PTPRN2: variants seen among roughly 807,000 people sequenced by gnomAD.
The protein encoded by PTPRN2 is receptor-type tyrosine-protein phosphatase N2.
Under a neutral mutation model 118.8 loss-of-function variants are expected in PTPRN2, and 74 were observed. The ratio of observed to expected loss-of-function variants is 0.62; its 90% CI spans 0.52 to 0.76. PTPRN2 has a LOEUF of 0.76. Ranked by LOEUF, PTPRN2 falls within the 30% of genes least tolerant of loss-of-function variation. The pLI is 0.00. For synonymous variants in PTPRN2, 641 were observed against 608.0 expected (o/e 1.05, Z -0.80); for missense variants, 1,481 against 1,394.4 (o/e 1.06, Z -0.99).
chr7:158,207,854 C>A (rs543687938), intron 3 of PTPRN2, among the ~76,000 whole-genome samples: 1 of 152,186 alleles, frequency 6.6e-6, no homozygotes, highest in African/African-American at 2.4e-5. Context: ...ACAAAGAATT[C>A]AAAATAGTTG....
At chr7:157,689,091 G>T (rs1022692467) in intron 12 of PTPRN2, among the ~76,000 whole-genome samples, 5 of 152,196 alleles carry the variant, frequency 3.3e-5, no homozygotes, top group Non-Finnish European at 1.5e-5. Context: ...CCCGGGCGGC[G>T]CAGCCGCCAC....
rs1256396441 is a variant in PTPRN2 at position 157,953,395 on chromosome 7, C to T, written c.1724-54658G>A. 6.6e-6 allele frequency among the ~76,000 whole-genome samples: 1 copy of T among 152,062 alleles called. No homozygotes were observed. Among genetic ancestry groups the T allele is most frequent in the Non-Finnish European group, 1.5e-5 (1 of 67,990 alleles). On this transcript the variant is annotated intron_variant, in intron 11 of 22. Transcript: ENST00000389418. This position sits in a 1 kb window ranked among gnomAD's most constrained non-coding sequence, Gnocchi z 4.6. ...GGAACTCAGGAGCAGGGGCTGGCGG[C>T]ACTCCCCGGGCACAGAGGGAACGGC...
At chr7:158,122,397 T>C (rs1008487663) in intron 9 of PTPRN2, among the ~76,000 whole-genome samples, 1 of 152,122 alleles carries the variant, frequency 6.6e-6, no homozygotes, top group Non-Finnish European at 1.5e-5. Flanking sequence ...AGTGACAGTG[T>C]CCCTCTTCCA....
At chr7:157,570,795 C>G (rs77415752) in intron 20 of PTPRN2, among the ~76,000 whole-genome samples, 1 of 152,162 alleles carries the variant, frequency 6.6e-6, no homozygotes, top group Admixed American at 6.5e-5. Flanking sequence ...TGAGCCTCTG[C>G]TGGACGTCCT....
At chr7:158,421,478 T>C (rs1167103056) in intron 2 of PTPRN2, among the ~76,000 whole-genome samples, 1 of 152,242 alleles carries the variant, frequency 6.6e-6, no homozygotes, top group East Asian at 1.9e-4. Flanking sequence ...TCTTTGTAGT[T>C]TCTCCAAGTG....
chr7:157,906,999 C>T (rs1161002517), intron 11 of PTPRN2, among the ~76,000 whole-genome samples: 1 of 152,214 alleles, frequency 6.6e-6, no homozygotes, highest in Non-Finnish European at 1.5e-5. Flanking sequence ...ATCCTGAGAT[C>T]CCGAGATCCT....
chr7:157,982,773 C>T (rs201490694), intron 11 of PTPRN2, among the ~76,000 whole-genome samples: 12 of 100,468 alleles, frequency 1.2e-4, no homozygotes, highest in Admixed American at 1.9e-4. Flanking sequence ...GGGTCCCCCC[C>T]AAACCCCGAG....
intron 11 of PTPRN2, among the ~76,000 whole-genome samples, chr7:157,942,203 C>T (rs370253960): frequency 2.5e-5 from 1 of 39,304 alleles, no homozygotes; most frequent in Non-Finnish European, 4.1e-5. Context: ...ACACAGGGGT[C>T]CTCGGCCCAC....
At chr7:158,317,073 G>A in intron 2 of PTPRN2, 141 bp from the exon 3 acceptor site, 1 of 585,256 alleles carries the variant, frequency 1.7e-6, no homozygotes. Context: ...AGGGCTGTTA[G>A]GACCCGGGAG....
At chr7:157,559,743 A>C (rs1483827388) in intron 21 of PTPRN2, among the ~76,000 whole-genome samples, 1 of 152,118 alleles carries the variant, frequency 6.6e-6, no homozygotes, top group Non-Finnish European at 1.5e-5. Flanking sequence ...TCCAAACAGG[A>C]GTTTGAACAG....
At chr7:157,976,503 T>A (rs1481950057) in intron 11 of PTPRN2, among the ~76,000 whole-genome samples, 1 of 148,660 alleles carries the variant, frequency 6.7e-6, no homozygotes, top group African/African-American at 2.4e-5. Flanking sequence ...GTTCCCAGGT[T>A]CTCGCCCACT....
chr7:158,306,491 T>G (rs536672005), intron 3 of PTPRN2, among the ~76,000 whole-genome samples: 130 of 150,928 alleles, frequency 8.6e-4, no homozygotes, highest in African/African-American at 3.1e-3. Context: ...CAGCAGAGAC[T>G]GAGGCTTGTT....
chr7:157,773,901 C>G (rs893172140), intron 12 of PTPRN2, among the ~76,000 whole-genome samples: 1 of 152,196 alleles, frequency 6.6e-6, no homozygotes, highest in Non-Finnish European at 1.5e-5. Flanking sequence ...ACAGCACATC[C>G]TAAGTGTCAT....
chr7:158,146,053 T>G (rs181791366), intron 6 of PTPRN2, among the ~76,000 whole-genome samples: 3 of 118,480 alleles, frequency 2.5e-5, no homozygotes, highest in African/African-American at 8.4e-5. Context: ...ATTTTAGTTT[T>G]CCACTCTTTT....
At chr7:157,720,054 AGAGG>A (rs988077573) in intron 12 of PTPRN2, among the ~76,000 whole-genome samples, 4 of 152,232 alleles carry the variant, frequency 2.6e-5, no homozygotes, top group African/African-American at 9.6e-5. Context: ...TGGAAAATAG[AGAGG>A]AAATTCCTTT....
At chr7:157,734,275 G>C (rs1027453678) in intron 12 of PTPRN2, among the ~76,000 whole-genome samples, 830 of 70,218 alleles carry the variant, frequency 0.012, 23 homozygotes, top group South Asian at 0.1. Flanking sequence ...GCCCAGTGCA[G>C]TCTTCCGTCC....
At chr7:157,574,513 T>TGAGA (rs60406378) in intron 19 of PTPRN2, 8,282 of 283,178 alleles carry the variant, frequency 0.029, 249 homozygotes, top group East Asian at 0.095. Flanking sequence ...AGAGTAATAA[T>TGAGA]GAGAGAGAGA....
At chr7:158,304,842 C>G (rs1486312108) in intron 3 of PTPRN2, among the ~76,000 whole-genome samples, 1 of 152,140 alleles carries the variant, frequency 6.6e-6, no homozygotes, top group East Asian at 1.9e-4. Flanking sequence ...AGGTGCCAGA[C>G]TCTTAATTAA....
chr7:157,913,554 T>G (rs1307242681), intron 11 of PTPRN2, among the ~76,000 whole-genome samples: 2 of 152,202 alleles, frequency 1.3e-5, no homozygotes, highest in African/African-American at 4.8e-5. Flanking sequence ...AAAATCAAAA[T>G]AAGAACAAAC....
Sources: gnomAD v4.1 joint callset for allele counts (sites outside exome capture counted in the v4.1 genomes callset) on GRCh38, gnomAD v4.1.1 for gene constraint, Gnocchi (gnomAD v3.1) non-coding constraint, MANE v1.5 for transcripts, NCBI Gene and HGNC (gene_info 2026-07-23, HGNC 2026-07-21) for gene names.